The following GART variants were observed in gnomAD, a reference collection of about 807,000 sequenced individuals.
GART encodes trifunctional purine biosynthetic protein adenosine-3.
In GART, 43 loss-of-function variants were observed where a neutral mutation model predicts 107.2. The observed-to-expected ratio is 0.40, with a 90% CI of 0.31 to 0.52. GART has a LOEUF of 0.52. Ranked by LOEUF, GART falls within the 20% of genes least tolerant of loss-of-function variation. The pLI, the probability that GART is intolerant of heterozygous loss-of-function variation, is 0.52. For missense variants in GART, 1,107 were observed against 1,206.5 expected (o/e 0.92, Z 1.22); for synonymous variants, 434 against 427.0 (o/e 1.02, Z -0.20).
chr21:33,505,932 TA>T, intron 19 of GART, 41 bp downstream of exon 19: 1 of 1,610,184 alleles, frequency 6.2e-7, no homozygotes, highest in Non-Finnish European at 8.5e-7. Flanking sequence ...ATTACGAGCT[TA>T]AATATGGCCC....
chr21:33,510,043 G>A, intron 17 of GART, 123 bp from the exon 18 acceptor site: 3 of 837,452 alleles, frequency 3.6e-6, no homozygotes, highest in African/African-American at 1.7e-5. Flanking sequence ...GATAATGCAA[G>A]GACTAAAATG....
intron 1 of GART, among the ~76,000 whole-genome samples, chr21:33,540,210 T>C (rs2085385370): frequency 6.6e-6 from 1 of 151,950 alleles, no homozygotes; most frequent in African/African-American, 2.4e-5. Context: ...TCCAGAAAAA[T>C]TTAATGGACC....
intron 4 of GART, among the ~76,000 whole-genome samples, chr21:33,533,167 C>T (rs922884279): frequency 1.3e-5 from 2 of 152,226 alleles, no homozygotes; most frequent in East Asian, 1.9e-4. Context: ...TGGCCAGGCG[C>T]GGTGGCTCAC....
chr21:33,540,136 C>T (rs1424870455), intron 1 of GART, among the ~76,000 whole-genome samples: 4 of 152,244 alleles, frequency 2.6e-5, no homozygotes, highest in East Asian at 3.9e-4. Flanking sequence ...CAAAACTACT[C>T]GACTCGGCCA....
chr21:33,529,184 G>A (rs1007892115), intron 7 of GART, among the ~76,000 whole-genome samples: 13 of 152,040 alleles, frequency 8.6e-5, no homozygotes, highest in African/African-American at 2.7e-4. Flanking sequence ...ATAACTTCCC[G>A]AAACGTAATA....
chr21:33,514,848 T>C (rs1231462807), intron 16 of GART, among the ~76,000 whole-genome samples: 1 of 152,114 alleles, frequency 6.6e-6, no homozygotes, highest in Admixed American at 6.6e-5. Flanking sequence ...TGAAATCCCA[T>C]CTGACCACTC....
chr21:33,534,905 T>C (rs891946153), intron 3 of GART, 152 bp from the exon 4 acceptor site: 24 of 631,174 alleles, frequency 3.8e-5, no homozygotes, highest in African/African-American at 3.6e-4. Flanking sequence ...GTCTACTGGA[T>C]AGAGATAAAA....
At chr21:33,524,546 C>T in intron 11 of GART, 1 of 1,232,528 alleles carries the variant, frequency 8.1e-7, no homozygotes, top group Non-Finnish European at 1.0e-6. Context: ...ATCAGTACCA[C>T]TGTGATTTTG....
intron 6 of GART, 118 bp downstream of exon 6, chr21:33,531,371 C>A: frequency 1.2e-6 from 1 of 835,558 alleles, no homozygotes. Flanking sequence ...TCCTTTGTAA[C>A]TGCTGGGTTT....
intron 11 of GART, among the ~76,000 whole-genome samples, chr21:33,523,214 G>A (rs1015995862): frequency 6.6e-6 from 1 of 152,128 alleles, no homozygotes; most frequent in Non-Finnish European, 1.5e-5. Context: ...TGTTTTTATA[G>A]AAGTGTCTTT....
At position 33,517,011 on chromosome 21, in the gene GART, A is replaced by C. The variant is rs1395211236; in HGVS notation, c.2085T>G (p.Pro695=). ...GLLENIPRVL[P]EKLGVDLDAQ... is the part of the protein sequence containing the mutation. ...TACCTAAATCTACCCCAAGTTTCTC[A>C]GGGAGGACTCTGGGGATGTTCTCTA... Residue 695 remains proline, a synonymous_variant, in exon 16 of 22, where the codon CCT becomes CCG. Coordinates refer to ENST00000381815, the MANE Select transcript of GART (RefSeq NM_000819.5). 6.2e-7 allele frequency: 1 copy of C among 1,605,216 alleles called. No homozygotes were observed.
rs370007288 is a variant in GART, at chr21:33,537,724, TG to T, written c.145+1446del. ...AGCAGCAAGCTTCTGCTTGGGAAAT[TG>T]GTAGGACAGCATGGATAGGGTATAG... is the stretch of plus-strand genomic sequence containing the variant. On this transcript the variant is annotated intron_variant, in intron 2 of 21. Transcript: ENST00000381815. Among the ~76,000 whole-genome samples, 520 of 152,168 alleles carry T rather than the reference TG, an allele frequency of 3.4e-3. 3 individuals are homozygous for T. Among genetic ancestry groups the T allele is most frequent in the African/African-American group, 0.012 (495 of 41,502 alleles).
intron 4 of GART, among the ~76,000 whole-genome samples, chr21:33,533,490 A>G (rs1477013447): frequency 6.6e-6 from 1 of 151,238 alleles, no homozygotes; most frequent in East Asian, 1.9e-4. Flanking sequence ...TAAATAAATA[A>G]ATAAAATAAA....
chr21:33,508,329 T>TA lies in GART; in HGVS notation c.2452+1453dup, dbSNP rs562243076. Among the ~76,000 whole-genome samples the TA allele has an allele frequency of 3.7e-3, 543 of 147,560 alleles. 5 individuals are homozygous for TA. Among genetic ancestry groups the TA allele is most frequent in the South Asian group, 0.026 (124 of 4,680 alleles). On this transcript the variant is annotated intron_variant, in intron 18 of 21. Coordinates refer to ENST00000381815, the MANE Select transcript of GART (RefSeq NM_000819.5). The stretch of plus-strand genomic sequence containing the variant: ...GCTATGACTCTTACAATAGTTTCTT[T>TA]AAAAAAAAAAAATTTTAGATTCGGG...
chr21:33,519,876 TAC>T (rs2084939917), intron 14 of GART, among the ~76,000 whole-genome samples: 3 of 151,462 alleles, frequency 2.0e-5, no homozygotes, highest in African/African-American at 7.3e-5. Flanking sequence ...TTGATCAACC[TAC>T]AGATTCATTT....
chr21:33,518,647 T>G, intron 14 of GART: 1 of 401,616 alleles, frequency 2.5e-6, no homozygotes, highest in South Asian at 1.9e-5. Context: ...TACTTCATAT[T>G]TTTTCTTCTT....
At chr21:33,519,820 TCC>T (rs1349236913) in intron 14 of GART, among the ~76,000 whole-genome samples, 2 of 92,032 alleles carry the variant, frequency 2.2e-5, no homozygotes, top group African/African-American at 1.1e-4. Flanking sequence ...AGAGAGAGAT[TCC>T]CTTTTTTTTT....
Position 33,506,051 on chromosome 21 carries a change from G to T in GART, c.2506C>A (p.Gln836Lys), listed in dbSNP as rs1001904519. 3 of 1,614,018 alleles carry T rather than the reference G, an allele frequency of 1.9e-6. No individual in the cohort carries two copies. The highest frequency in any genetic ancestry group is 2.5e-6 in the Non-Finnish European group (3 of 1,180,028). Reference protein sequence around the residue: ...DSTREPNSSAQIDIVISNKAA... With the variant: ...DSTREPNSSAKIDIVISNKAA... ...TTGTTGGAGATAACAATATCAATTT[G>T]TGCAGAGCTATTTGGTTCCCGAGTA... Residue 836 changes from glutamine (Q) to lysine (K), a missense_variant, in exon 19 of 22, where the codon CAA becomes AAA. Transcript: ENST00000381815.
At chr21:33,515,263 A>G (rs764492640) in intron 16 of GART, among the ~76,000 whole-genome samples, 4 of 151,966 alleles carry the variant, frequency 2.6e-5, no homozygotes, top group Non-Finnish European at 5.9e-5. Context: ...TTTTATGTAA[A>G]CTCCCTCAGT....
Sources: gnomAD v4.1 joint callset for allele counts (sites outside exome capture counted in the v4.1 genomes callset) on GRCh38, gnomAD v4.1.1 for gene constraint, MANE v1.5 for transcripts, NCBI Gene and HGNC (gene_info 2026-07-23, HGNC 2026-07-21) for gene names.